Variants in TMEM196 observed in about 807,000 individuals in gnomAD.
TMEM196 encodes transmembrane protein 196.
In TMEM196, 17 loss-of-function variants were observed where a neutral mutation model predicts 20.0. That is an observed-to-expected ratio of 0.85 (90% confidence interval 0.58 to 1.27). The LOEUF is 1.27. Among genes scored for constraint, TMEM196 ranks in the 50% most tolerant of loss-of-function variants. TMEM196 has a pLI of 0.00. For missense variants in TMEM196, 267 were observed against 223.0 expected, an observed-to-expected ratio of 1.20 and a Z score of -1.26; for synonymous variants, 113 against 88.9, an observed-to-expected ratio of 1.27 and a Z score of -1.52.
chr7:19,734,264 T>C (rs570929112), intron 1 of TMEM196, among the ~76,000 whole-genome samples: 3 of 152,024 alleles, frequency 2.0e-5, no homozygotes, highest in South Asian at 4.2e-4. Context: ...TGAAAAAAAA[T>C]GACTTTCAAA....
intron 1 of TMEM196, among the ~76,000 whole-genome samples, chr7:19,733,059 TA>T (rs139898360): frequency 0.018 from 2,780 of 152,308 alleles, 88 homozygotes; most frequent in African/African-American, 0.063. Context: ...GCGTTGATCT[TA>T]CTGTGAAATG....
intron 1 of TMEM196, among the ~76,000 whole-genome samples, chr7:19,767,812 T>G (rs1294611321): frequency 6.6e-6 from 1 of 152,062 alleles, no homozygotes; most frequent in African/African-American, 2.4e-5. Flanking sequence ...ACACACTAGT[T>G]TCAAATTGTG....
intron 4 of TMEM196, among the ~76,000 whole-genome samples, chr7:19,723,773 A>T (rs181854553): frequency 6.6e-6 from 1 of 152,278 alleles, no homozygotes; most frequent in African/African-American, 2.4e-5. Context: ...TATTTTTAGC[A>T]ATTTGAAACG....
intron 1 of TMEM196, among the ~76,000 whole-genome samples, chr7:19,738,854 G>C (rs12538162): frequency 0.092 from 13,999 of 152,138 alleles, 862 homozygotes; most frequent in Non-Finnish European, 0.13. Context: ...TAGATATTTT[G>C]CTCTCAAAGA....
intron 3 of TMEM196, 94 bp from the exon 4 acceptor site, chr7:19,724,447 C>T (rs1284031903): frequency 9.0e-7 from 1 of 1,111,606 alleles, no homozygotes; most frequent in Non-Finnish European, 1.3e-6. Flanking sequence ...AAAAGAGCCA[C>T]TATTCATATA....
intron 1 of TMEM196, among the ~76,000 whole-genome samples, chr7:19,731,365 T>G (rs1482421347): frequency 6.6e-6 from 1 of 152,212 alleles, no homozygotes. Flanking sequence ...CACTGTGTCC[T>G]AAGTGTAGAT....
chr7:19,766,388 A>G (rs751941900), intron 1 of TMEM196, among the ~76,000 whole-genome samples: 11 of 152,010 alleles, frequency 7.2e-5, no homozygotes, highest in Non-Finnish European at 1.5e-4. Context: ...TGGAACATCT[A>G]TCTGCAGAGT....
In TMEM196 at chr7:19,772,618, C is replaced by T; in HGVS notation, c.79G>A (p.Ala27Thr). 6.5e-7 allele frequency: 1 copy of T among 1,547,334 alleles called. No individual in the cohort carries two copies. The highest frequency in any genetic ancestry group is 8.7e-7 in the Non-Finnish European group (1 of 1,145,932). ...AGGCTGAAGCTGACCGCCCCCACGG[C>T]CACGCTGGACACCCCCAGCCCTATC... ...LEIGLGVSSV[A>T]VGAVSFSLAL... is the part of the protein sequence containing the mutation. Residue 27 changes from alanine (A) to threonine (T), a missense_variant, in exon 1 of 5, where the codon GCC (alanine) becomes ACC (threonine). Ala to Thr is a moderately conservative substitution (Grantham distance 58). Transcript: ENST00000405844.
chr7:19,723,782 C>T (rs914566095), intron 4 of TMEM196, among the ~76,000 whole-genome samples: 6 of 152,012 alleles, frequency 3.9e-5, no homozygotes, highest in Non-Finnish European at 8.8e-5. Context: ...CAATTTGAAA[C>T]GTGGGAACTA....
intron 1 of TMEM196, among the ~76,000 whole-genome samples, chr7:19,757,204 C>T (rs1004980062): frequency 2.8e-5 from 4 of 143,014 alleles, no homozygotes; most frequent in East Asian, 4.1e-4. Context: ...GATGAAGTCT[C>T]AGTTTGTCAC....
At chr7:19,744,748 A>G (rs868810178) in intron 1 of TMEM196, among the ~76,000 whole-genome samples, 54 of 152,350 alleles carry the variant, frequency 3.5e-4, no homozygotes, top group Admixed American at 9.2e-4. Context: ...TTTGGAATAA[A>G]TTCTCAAATT....
intron 1 of TMEM196, among the ~76,000 whole-genome samples, chr7:19,770,993 C>T (rs1171900542): frequency 6.6e-6 from 1 of 151,974 alleles, no homozygotes. Flanking sequence ...GGCTTCTCCC[C>T]ATTAAGATAT....
intron 4 of TMEM196, among the ~76,000 whole-genome samples, chr7:19,722,964 A>T (rs955143776): frequency 1.3e-5 from 2 of 152,150 alleles, no homozygotes; most frequent in African/African-American, 4.8e-5. Flanking sequence ...TGATAAAATT[A>T]TCTAAAAATA....
intron 3 of TMEM196, 56 bp from the exon 4 acceptor site, chr7:19,724,409 T>G (rs1783918989): frequency 6.8e-7 from 1 of 1,461,540 alleles, no homozygotes. Flanking sequence ...TACAGAAAAC[T>G]AAATCAGACT....
chr7:19,771,577 A>G (rs904916800), intron 1 of TMEM196, among the ~76,000 whole-genome samples: 6 of 152,216 alleles, frequency 3.9e-5, no homozygotes, highest in African/African-American at 1.4e-4. Context: ...CAGTGACAGA[A>G]TACTTTCTAT....
At chr7:19,769,454 G>C (rs934479622) in intron 1 of TMEM196, among the ~76,000 whole-genome samples, 1 of 151,882 alleles carries the variant, frequency 6.6e-6, no homozygotes, top group African/African-American at 2.4e-5. Flanking sequence ...CCAGAAAAAT[G>C]GAAGAGCCTA....
At position 19,719,747 on chromosome 7, in the gene TMEM196, C is replaced by G. The variant is rs1783755094; in HGVS notation, c.*2381G>C. The G allele has an allele frequency of 6.6e-6, 1 of 152,074 alleles. No individual in the cohort carries two copies. Among genetic ancestry groups the G allele is most frequent in the African/African-American group, 2.4e-5 (1 of 41,428 alleles). 9.4% of individuals were successfully genotyped at this position (152,074 alleles called of 1,614,324 possible). A position where few individuals can be genotyped will look rare whatever the true frequency, so the allele number is the denominator to read the frequency against. ...CGCCGCACATCCCAAGTAAATCATT[C>G]TAAACTCAATTCTGAAAATACTAGG... On this transcript the variant is annotated 3_prime_UTR_variant, in exon 5 of 5. Coordinates refer to ENST00000405844, the MANE Select transcript of TMEM196 (RefSeq NM_001363562.2).
chr7:19,730,073 G>A (rs746955902), intron 1 of TMEM196, among the ~76,000 whole-genome samples: 4 of 151,964 alleles, frequency 2.6e-5, no homozygotes, highest in African/African-American at 7.3e-5. Flanking sequence ...TGGCTAACAC[G>A]GTGAAACCCC....
intron 1 of TMEM196, among the ~76,000 whole-genome samples, chr7:19,749,967 G>T (rs943691518): frequency 6.6e-6 from 1 of 152,148 alleles, no homozygotes; most frequent in African/African-American, 2.4e-5. Context: ...AACAAAGGCA[G>T]CCTTTTATAT....
Sources: allele counts gnomAD v4.1 joint callset (sites outside exome capture counted in the v4.1 genomes callset), GRCh38; gene constraint gnomAD v4.1.1; transcripts MANE v1.5; gene names NCBI Gene and HGNC (gene_info 2026-07-23, HGNC 2026-07-21).